TRPM3: variants seen among roughly 807,000 people sequenced by gnomAD.
TRPM3 encodes long transient receptor potential channel 3.
A neutral mutation model predicts 181.2 loss-of-function variants in TRPM3; 77 were observed. The observed-to-expected ratio is 0.42, with a 90% CI of 0.35 to 0.51. The LOEUF is 0.51. TRPM3 is among the 20% of genes least tolerant of loss of function. The pLI is 0.01. For synonymous variants in TRPM3, 745 were observed against 796.4 expected (o/e 0.94, Z 1.09); for missense variants, 1,759 against 2,196.7 (o/e 0.80, Z 3.98).
chr9:71,175,053 G>T (rs1280860095), intron 1 of TRPM3, among the ~76,000 whole-genome samples: 2 of 152,150 alleles, frequency 1.3e-5, no homozygotes, highest in African/African-American at 4.8e-5. Context: ...GAAAAAACAA[G>T]CTGGGAGGAA....
chr9:70,862,900 C>G lies in TRPM3; in HGVS notation c.462+8G>C. The G allele has an allele frequency of 6.2e-7, 1 of 1,612,994 alleles. No homozygotes were observed. The highest frequency in any genetic ancestry group is 8.5e-7 in the Non-Finnish European group (1 of 1,179,358). On this transcript the variant is annotated splice_region_variant and intron_variant, in intron 3 of 25. Coordinates refer to ENST00000677713, the MANE Select transcript of TRPM3 (RefSeq NM_001366145.2). Reference sequence around the variant, plus strand: ...CATTTGGGAGCAACTGAATGGCTTTCTGATTACCATGGCTTTGTTGGAATG... The same window carrying G: ...CATTTGGGAGCAACTGAATGGCTTTGTGATTACCATGGCTTTGTTGGAATG...
At chr9:71,052,472 T>C (rs998739544) in intron 1 of TRPM3, among the ~76,000 whole-genome samples, 3 of 152,180 alleles carry the variant, frequency 2.0e-5, no homozygotes, top group African/African-American at 2.4e-5. Context: ...AAGAATTCCA[T>C]ATTCAATTAG....
In TRPM3 at chr9:70,917,103, T is replaced by C. The variant is rs1326880486; in HGVS notation, c.178-52592A>G. 1.9e-6 allele frequency: 3 copies of C among 1,602,080 alleles called. No homozygotes were observed. The East Asian group carries it at 6.7e-5, about 36-fold the overall frequency. ...TGCAACAGGTCCACTTTCAGAGAGA[T>C]GTAACACATTTCCATAGGGGTTCGG... On this transcript the variant is annotated intron_variant, in intron 1 of 25. Coordinates refer to ENST00000677713, the MANE Select transcript of TRPM3 (RefSeq NM_001366145.2).
intron 6 of TRPM3, among the ~76,000 whole-genome samples, chr9:70,793,339 C>T (rs1325490197): frequency 2.0e-5 from 3 of 151,472 alleles, no homozygotes; most frequent in Non-Finnish European, 4.4e-5. Flanking sequence ...GCCTGTAGTC[C>T]CAGCTACTCA....
chr9:70,694,666 G>A (rs549191716), intron 8 of TRPM3, among the ~76,000 whole-genome samples: 198 of 152,232 alleles, frequency 1.3e-3, no homozygotes, highest in Admixed American at 2.8e-3. Flanking sequence ...ATTTTTAGTA[G>A]AGATGGGGTT....
chr9:70,791,936 T>C (rs2085525289), intron 6 of TRPM3, among the ~76,000 whole-genome samples: 1 of 152,198 alleles, frequency 6.6e-6, no homozygotes, highest in South Asian at 2.1e-4. Context: ...TTTTGGGGCA[T>C]TGCCTTCTTG....
chr9:70,623,992 A>G (rs1347752342), intron 14 of TRPM3, among the ~76,000 whole-genome samples: 3 of 152,146 alleles, frequency 2.0e-5, no homozygotes, highest in Non-Finnish European at 4.4e-5. Context: ...ATTTCAAGGA[A>G]AACAACTGAT....
chr9:71,273,660 C>T (rs1412923394), intron 1 of TRPM3, among the ~76,000 whole-genome samples: 1 of 152,190 alleles, frequency 6.6e-6, no homozygotes, highest in Non-Finnish European at 1.5e-5. Flanking sequence ...CTCCCCAAAG[C>T]GCCAATTACA....
chr9:71,382,383 T>A (rs1021975407), intron 1 of TRPM3, among the ~76,000 whole-genome samples: 1 of 151,816 alleles, frequency 6.6e-6, no homozygotes, highest in Non-Finnish European at 1.5e-5. Context: ...ACTTTACAGG[T>A]AAAAAAAATG....
intron 1 of TRPM3, among the ~76,000 whole-genome samples, chr9:70,866,311 G>T (rs964955288): frequency 6.6e-6 from 1 of 152,112 alleles, no homozygotes; most frequent in South Asian, 2.1e-4. Context: ...GCTCTTTTGT[G>T]GGGGAGCATC....
intron 1 of TRPM3, among the ~76,000 whole-genome samples, chr9:71,038,091 A>T (rs2058418795): frequency 6.6e-6 from 1 of 152,360 alleles, no homozygotes; most frequent in South Asian, 2.1e-4. Context: ...AAGGTAAAAG[A>T]TGGAGTGACA....
chr9:70,850,328 G>A (rs1471874718), intron 3 of TRPM3, among the ~76,000 whole-genome samples: 2 of 152,044 alleles, frequency 1.3e-5, no homozygotes, highest in East Asian at 3.9e-4. Flanking sequence ...AGTATCAGAG[G>A]CAAACAGAGG....
Position 71,290,407 on chromosome 9 carries a change from A to T in TRPM3, c.183+156246T>A, listed in dbSNP as rs549083803. Among the ~76,000 whole-genome samples, 3 of 152,308 alleles carry T rather than the reference A, an allele frequency of 2.0e-5. No homozygotes were observed. In the South Asian group the frequency reaches 6.2e-4, roughly 32 times the overall value. ...TTGATTTCTGTTTGCAATACTTGAA[A>T]CCAGTATTTGGAATAATACGTTTTA... On this transcript the variant is annotated intron_variant, in intron 1 of 24. Coordinates refer to the TRPM3 transcript ENST00000357533.
rs570030928 is a variant in TRPM3 at position 70,738,675 on chromosome 9, A to G, written c.1272+22926T>C. Among the ~76,000 whole-genome samples, 3 of 152,274 alleles carry G rather than the reference A, an allele frequency of 2.0e-5. No individual in the cohort carries two copies. In the East Asian group the frequency reaches 5.8e-4, roughly 29 times the overall value. On this transcript the variant is annotated intron_variant, in intron 8 of 25. Coordinates refer to ENST00000677713, the MANE Select transcript of TRPM3 (RefSeq NM_001366145.2). ...TGAAATTGAAACAAACAAAATATGA[A>G]AGATCAATGAAACAAAAAGCTAGTT...
At chr9:71,364,495 A>T (rs2092268255) in intron 1 of TRPM3, among the ~76,000 whole-genome samples, 1 of 152,234 alleles carries the variant, frequency 6.6e-6, no homozygotes, top group Non-Finnish European at 1.5e-5. Context: ...CAGAGTGATT[A>T]AAAGAAGGTC....
chr9:71,178,035 C>G (rs1162225083), intron 1 of TRPM3, among the ~76,000 whole-genome samples: 2 of 150,914 alleles, frequency 1.3e-5, no homozygotes, highest in Admixed American at 1.3e-4. Flanking sequence ...AAGCATTATT[C>G]AAGCTTAGTA....
At chr9:70,753,689 C>T (rs2076576611) in intron 8 of TRPM3, among the ~76,000 whole-genome samples, 1 of 152,112 alleles carries the variant, frequency 6.6e-6, no homozygotes, top group Non-Finnish European at 1.5e-5. Flanking sequence ...AGAAGCCTGG[C>T]ATCCAGGTTC....
rs1554854926 is a variant in TRPM3, at chr9:71,252,847, C to CTCTTTTTTT, written c.183+193805_183+193806insAAAAAAAGA. On this transcript the variant is annotated intron_variant, in intron 1 of 24. Transcript: ENST00000357533. ...ACACCTCGCCTGGCTAATTTTGTCT[C>CTCTTTTTTT]TTTTTTTTTTTTTTTTTTTTTTAGA... is the stretch of plus-strand genomic sequence containing the variant. Among the ~76,000 whole-genome samples the CTCTTTTTTT allele has an allele frequency of 1.1e-3, 95 of 84,756 alleles. 2 individuals carry two copies. The highest frequency in any genetic ancestry group is 2.4e-3 in the East Asian group (7 of 2,866). 55.6% of individuals were successfully genotyped at this position (84,756 alleles called of 152,430 possible).
intron 15 of TRPM3, 66 bp from the exon 16 acceptor site, chr9:70,620,431 G>A (rs2133200440): frequency 6.6e-7 from 1 of 1,504,490 alleles, no homozygotes. Context: ...GCAAGTAGCA[G>A]TTGTATATCT....
Sources: gnomAD v4.1 joint callset for allele counts (sites outside exome capture counted in the v4.1 genomes callset) on GRCh38, gnomAD v4.1.1 for gene constraint, MANE v1.5 for transcripts, NCBI Gene and HGNC (gene_info 2026-07-23, HGNC 2026-07-21) for gene names.